The following GXYLT1 variants were observed in gnomAD, a reference collection of about 807,000 sequenced individuals.
The protein encoded by GXYLT1 is glucoside xylosyltransferase 1.
In GXYLT1, 29 loss-of-function variants were observed where a neutral mutation model predicts 54.0. The observed-to-expected ratio is 0.54, with a 90% confidence interval of 0.40 to 0.73. The LOEUF is 0.73. Ranked by LOEUF, GXYLT1 falls within the 30% of genes least tolerant of loss-of-function variation. The probability of loss-of-function intolerance (pLI) is 0.00; values close to 1 mark genes in which losing one functional copy is unlikely to be tolerated. For synonymous variants in GXYLT1, 176 were observed against 204.1 expected (o/e 0.86, Z 1.17); for missense variants, 490 against 553.4 (o/e 0.89, Z 1.15).
At chr12:42,138,643 A>C (rs2065634855) in intron 1 of GXYLT1, among the ~76,000 whole-genome samples, 1 of 152,244 alleles carries the variant, frequency 6.6e-6, no homozygotes, top group South Asian at 2.1e-4. Flanking sequence ...AACCTCATAC[A>C]GTACACACAT....
chr12:42,100,536 G>A (rs941348507), intron 5 of GXYLT1, among the ~76,000 whole-genome samples: 7 of 150,216 alleles, frequency 4.7e-5, no homozygotes, highest in African/African-American at 1.7e-4. Flanking sequence ...CTTTAAAAAA[G>A]AGAAGGCCAG....
chr12:42,121,829 T>C (rs545933505), intron 2 of GXYLT1, among the ~76,000 whole-genome samples: 2 of 152,074 alleles, frequency 1.3e-5, no homozygotes, highest in African/African-American at 4.8e-5. Flanking sequence ...AAGTATTATA[T>C]ACAGTACAGG....
At chr12:42,113,979 T>A (rs2065476000) in intron 3 of GXYLT1, among the ~76,000 whole-genome samples, 1 of 152,020 alleles carries the variant, frequency 6.6e-6, no homozygotes, top group African/African-American at 2.4e-5. Context: ...AGAAACTCAC[T>A]CAAAACCACT....
chr12:42,133,496 G>A (rs1192180654), intron 1 of GXYLT1, among the ~76,000 whole-genome samples: 4 of 152,124 alleles, frequency 2.6e-5, no homozygotes, highest in Non-Finnish European at 5.9e-5. Context: ...AGCCACTTGA[G>A]AGAATGCAGA....
intron 7 of GXYLT1, among the ~76,000 whole-genome samples, chr12:42,091,650 C>T (rs1216613355): frequency 6.6e-6 from 1 of 152,174 alleles, no homozygotes; most frequent in Non-Finnish European, 1.5e-5. Context: ...TGAGTATAGT[C>T]ATACCATGAT....
chr12:42,126,976 G>A (rs111900205), intron 2 of GXYLT1, among the ~76,000 whole-genome samples: 204 of 152,142 alleles, frequency 1.3e-3, no homozygotes, highest in Non-Finnish European at 2.6e-3. Context: ...ACTTGTAATA[G>A]GAGTTGAGGC....
chr12:42,115,431 T>A, intron 3 of GXYLT1, among the ~76,000 whole-genome samples: 2 of 152,218 alleles, frequency 1.3e-5, no homozygotes, highest in East Asian at 3.9e-4. Context: ...CTTCAGCAAA[T>A]TCTCAGGATA....
At chr12:42,139,552 A>T (rs562852764) in intron 1 of GXYLT1, among the ~76,000 whole-genome samples, 9 of 152,254 alleles carry the variant, frequency 5.9e-5, no homozygotes, top group African/African-American at 1.9e-4. Flanking sequence ...ATGAACCAGG[A>T]AATGGGTCCT....
At chr12:42,109,124 A>G (rs2065437248) in intron 4 of GXYLT1, among the ~76,000 whole-genome samples, 1 of 152,236 alleles carries the variant, frequency 6.6e-6, no homozygotes, top group Admixed American at 6.5e-5. Context: ...ATCAGTTACA[A>G]TAGATAAATT....
At chr12:42,108,218 T>A (rs1257850425) in intron 4 of GXYLT1, among the ~76,000 whole-genome samples, 1 of 152,242 alleles carries the variant, frequency 6.6e-6, no homozygotes, top group African/African-American at 2.4e-5. Context: ...ACAATTAAAC[T>A]TGTTAATAAA....
intron 6 of GXYLT1, 39 bp downstream of exon 6, chr12:42,097,871 G>A: frequency 6.9e-7 from 1 of 1,456,044 alleles, no homozygotes; most frequent in Non-Finnish European, 9.5e-7. Context: ...TATTATCTGT[G>A]ATTTTTTTAA....
chr12:42,109,451 ACTAAT>A lies in GXYLT1; in HGVS notation c.612+110_612+114del, dbSNP rs2065438965. On this transcript the variant is annotated intron_variant, in intron 4 of 7. Coordinates refer to ENST00000398675, the MANE Select transcript of GXYLT1 (RefSeq NM_173601.2). ...ATAGTACATGCATTGATTTCTATTT[ACTAAT>A]TTAATTATTTAACTGGAATTATATG... 4 of 701,322 alleles carry A rather than the reference ACTAAT, an allele frequency of 5.7e-6. No homozygotes were observed. In the East Asian group the frequency reaches 1.0e-4, roughly 18 times the overall value. 43.4% of individuals were successfully genotyped at this position (701,322 alleles called of 1,614,324 possible).
Position 42,144,432 on chromosome 12 carries a change from G to C in GXYLT1, c.215C>G (p.Ser72Trp), listed in dbSNP as rs548968587. The change falls in exon 1 of 8, where the codon TCG (serine) becomes TGG (tryptophan). Residue 72 changes from serine to tryptophan, a missense_variant. Transcript: ENST00000398675. ...VAGPAAHPGV[S>W]DRCKDFSLCY... ...CACCGGGAACTGCCCGTACCTGTCCGACACGCCGGGATGCGCTGCGGGGCC... is the reference window on the plus strand; with the variant it reads ...CACCGGGAACTGCCCGTACCTGTCCCACACGCCGGGATGCGCTGCGGGGCC... 130 of 1,226,288 alleles carry C rather than the reference G, an allele frequency of 1.1e-4. No individual in the cohort carries two copies. Among genetic ancestry groups the C allele is most frequent in the Non-Finnish European group, 1.2e-4 (123 of 987,718 alleles). The allele number at this position is 1,226,288 out of a possible 1,614,324, so 76.0% of individuals were successfully genotyped here. A position where few individuals can be genotyped will look rare whatever the true frequency, so the allele number is the denominator to read the frequency against.
At chr12:42,106,834 C>G (rs890709016) in intron 4 of GXYLT1, among the ~76,000 whole-genome samples, 1 of 150,828 alleles carries the variant, frequency 6.6e-6, no homozygotes, top group South Asian at 2.1e-4. Flanking sequence ...CAACCTCTAC[C>G]TCCTGGGTTC....
At chr12:42,103,361 T>TG (rs1437678942) in intron 5 of GXYLT1, among the ~76,000 whole-genome samples, 1 of 152,214 alleles carries the variant, frequency 6.6e-6, no homozygotes, top group African/African-American at 2.4e-5. Flanking sequence ...AAATAAACTA[T>TG]GACCTTTGTC....
rs1592103923 is a variant in GXYLT1, at chr12:42,098,146, C to G, written c.865-113G>C. ...CATTACAAATCCACAAAGAGAAATG[C>G]AAACTCCTCACAATATCAAGTGACA... On this transcript the variant is annotated intron_variant, in intron 5 of 7. Transcript: ENST00000398675. 4.3e-5 allele frequency: 39 copies of G among 916,680 alleles called. No individual in the cohort carries two copies. In the South Asian group the frequency reaches 5.2e-4, roughly 12 times the overall value. The allele number at this position is 916,680 out of a possible 1,614,324, so 56.8% of individuals were successfully genotyped here.
chr12:42,135,423 A>G (rs1404195819), intron 1 of GXYLT1, among the ~76,000 whole-genome samples: 1 of 152,244 alleles, frequency 6.6e-6, no homozygotes, highest in East Asian at 1.9e-4. Flanking sequence ...TTTTTCGTAT[A>G]TTCAGAGTTG....
chr12:42,098,415 G>A (rs2065369612), intron 5 of GXYLT1, among the ~76,000 whole-genome samples: 1 of 149,502 alleles, frequency 6.7e-6, no homozygotes, highest in Admixed American at 6.7e-5. Flanking sequence ...TAAATATTCA[G>A]TGTTAGCTAT....
At chr12:42,095,327 A>AC (rs1234132648) in intron 7 of GXYLT1, among the ~76,000 whole-genome samples, 1 of 152,226 alleles carries the variant, frequency 6.6e-6, no homozygotes, top group African/African-American at 2.4e-5. Flanking sequence ...AGCTAACTGT[A>AC]CATTGCTGCA....
Sources: allele counts gnomAD v4.1 joint callset (sites outside exome capture counted in the v4.1 genomes callset), GRCh38; gene constraint gnomAD v4.1.1; transcripts MANE v1.5; gene names NCBI Gene and HGNC (gene_info 2026-07-23, HGNC 2026-07-21).